Variants in GALNT13 observed in about 807,000 individuals in gnomAD.
GALNT13 encodes the protein UDP-GalNAc:polypeptide N-acetylgalactosaminyltransferase 13.
In GALNT13, 28 loss-of-function variants were observed where a neutral mutation model predicts 64.2. That is an observed-to-expected ratio of 0.44 (90% CI 0.32 to 0.60). The LOEUF is 0.60. Ranked by LOEUF, GALNT13 falls within the 20% of genes least tolerant of loss-of-function variation. The probability of loss-of-function intolerance (pLI) is 0.05; values close to 1 mark genes in which losing one functional copy is unlikely to be tolerated. For missense variants in GALNT13, 577 were observed against 669.8 expected (o/e 0.86, Z 1.53); for synonymous variants, 214 against 224.6 (o/e 0.95, Z 0.42).
intron 3 of GALNT13, among the ~76,000 whole-genome samples, chr2:154,038,088 A>G (rs1177646371): frequency 6.6e-6 from 1 of 152,108 alleles, no homozygotes; most frequent in Non-Finnish European, 1.5e-5. Context: ...GCAGTGAGCC[A>G]TATTTGTGCC....
intron 2 of GALNT13, among the ~76,000 whole-genome samples, chr2:153,930,754 G>A (rs1187458944): frequency 6.6e-6 from 1 of 152,068 alleles, no homozygotes; most frequent in Non-Finnish European, 1.5e-5. Flanking sequence ...GTCAGGTAGT[G>A]TGATTCCTCT....
chr2:153,769,333 T>C, the GALNT13 span, among the ~76,000 whole-genome samples: 1 of 89,646 alleles, frequency 1.1e-5, no homozygotes, highest in Non-Finnish European at 2.8e-5. Flanking sequence ...TATTTTTCAT[T>C]TATGAAGGTT....
At chr2:153,556,385 C>G in the GALNT13 span, among the ~76,000 whole-genome samples, 3 of 152,116 alleles carry the variant, frequency 2.0e-5, no homozygotes, top group Non-Finnish European at 4.4e-5. Flanking sequence ...AAATTAAAAA[C>G]TGATATTCTA....
At chr2:153,286,264 T>C in the GALNT13 span, among the ~76,000 whole-genome samples, 3 of 152,284 alleles carry the variant, frequency 2.0e-5, no homozygotes, top group African/African-American at 7.2e-5. Flanking sequence ...TAGCCAGGCA[T>C]GGAGTTAAGT....
At chr2:153,887,892 A>G (rs1298096795) in intron 1 of GALNT13, among the ~76,000 whole-genome samples, 2 of 152,082 alleles carry the variant, frequency 1.3e-5, no homozygotes, top group Non-Finnish European at 2.9e-5. Flanking sequence ...TCTGAATGAA[A>G]AAGATGAAAC....
intron 3 of GALNT13, among the ~76,000 whole-genome samples, chr2:154,117,240 C>T (rs1460910358): frequency 1.3e-5 from 2 of 152,088 alleles, no homozygotes; most frequent in Non-Finnish European, 2.9e-5. Context: ...ACACACTCAG[C>T]ATCAATACTT....
chr2:153,984,570 T>A (rs568213284), intron 3 of GALNT13, among the ~76,000 whole-genome samples: 5 of 151,976 alleles, frequency 3.3e-5, no homozygotes, highest in African/African-American at 9.6e-5. Context: ...TCCATTTGGT[T>A]ATTTTTTCCT....
intron 2 of GALNT13, among the ~76,000 whole-genome samples, chr2:153,909,914 G>A (rs1019293124): frequency 2.0e-5 from 3 of 152,100 alleles, no homozygotes; most frequent in African/African-American, 7.2e-5. Context: ...TCACTGCAAG[G>A]TTTTGGTATC....
At chr2:154,172,942 T>C (rs994763074) in intron 4 of GALNT13, among the ~76,000 whole-genome samples, 3 of 151,972 alleles carry the variant, frequency 2.0e-5, no homozygotes, top group Non-Finnish European at 4.4e-5. Context: ...AAAATACCAA[T>C]GGCATTATTC....
At chr2:153,321,317 C>T in the GALNT13 span, among the ~76,000 whole-genome samples, 1 of 152,204 alleles carries the variant, frequency 6.6e-6, no homozygotes, top group Non-Finnish European at 1.5e-5. Flanking sequence ...AGCTTCCCAA[C>T]TGAGTTGCTA....
intron 4 of GALNT13, among the ~76,000 whole-genome samples, chr2:154,225,418 C>A (rs554562301): frequency 6.6e-6 from 1 of 152,108 alleles, no homozygotes; most frequent in South Asian, 2.1e-4. Context: ...ACTGCAACAA[C>A]CCTTGTAGTG....
chr2:153,135,907 T>G, the GALNT13 span, among the ~76,000 whole-genome samples: 18,050 of 151,984 alleles, frequency 0.12, 1,266 homozygotes, highest in East Asian at 0.25. Context: ...AAAATAACCC[T>G]CACAAAAAAA....
chr2:153,931,052 T>C (rs140037077), intron 2 of GALNT13, among the ~76,000 whole-genome samples: 1,565 of 145,796 alleles, frequency 0.011, 17 homozygotes, highest in Middle Eastern at 0.017. Context: ...GGTAGCTGTA[T>C]TGCTGTATTC....
intron 11 of GALNT13, among the ~76,000 whole-genome samples, chr2:154,432,276 T>C (rs1349433952): frequency 6.6e-6 from 1 of 152,190 alleles, no homozygotes; most frequent in Non-Finnish European, 1.5e-5. Context: ...TGTTAAAATT[T>C]CAGCCCAGAT....
the GALNT13 span, among the ~76,000 whole-genome samples, chr2:153,370,381 C>T: frequency 6.6e-6 from 1 of 151,928 alleles, no homozygotes; most frequent in Non-Finnish European, 1.5e-5. Flanking sequence ...AATTACAAAC[C>T]GGTGTCCCTC....
chr2:153,734,250 T>G, the GALNT13 span, among the ~76,000 whole-genome samples: 36 of 152,286 alleles, frequency 2.4e-4, no homozygotes, highest in East Asian at 6.8e-3. Flanking sequence ...AGTTTTCATG[T>G]GTTATAATGA....
chr2:153,214,659 T>C, the GALNT13 span, among the ~76,000 whole-genome samples: 1 of 152,160 alleles, frequency 6.6e-6, no homozygotes, highest in African/African-American at 2.4e-5. Context: ...TAACTGGGAC[T>C]TAAACATTTA....
chr2:153,699,376 A>T, the GALNT13 span, among the ~76,000 whole-genome samples: 4 of 152,188 alleles, frequency 2.6e-5, no homozygotes, highest in African/African-American at 9.6e-5. Context: ...AAATGCCCTT[A>T]TCAGAAGGCT....
chr2:153,587,829 C>T, the GALNT13 span, among the ~76,000 whole-genome samples: 1 of 152,202 alleles, frequency 6.6e-6, no homozygotes, highest in Admixed American at 6.5e-5. Flanking sequence ...AGTCCAAAGT[C>T]TCATCTGAGA....
Sources: allele counts gnomAD v4.1 joint callset (sites outside exome capture counted in the v4.1 genomes callset), GRCh38; gene constraint gnomAD v4.1.1; transcripts MANE v1.5; gene names NCBI Gene and HGNC (gene_info 2026-07-23, HGNC 2026-07-21).